ERC2: variants seen among roughly 807,000 people sequenced by gnomAD.
ERC2 encodes ERC protein 2.
In ERC2, 42 loss-of-function variants were observed where a neutral mutation model predicts 114.8. The observed-to-expected ratio is 0.37, with a 90% CI of 0.29 to 0.47. The LOEUF (loss-of-function observed/expected upper bound fraction) is 0.47, where lower values mean the gene tolerates loss of function less well. Among genes scored for constraint, ERC2 ranks in the 20% least tolerant of loss-of-function variants. ERC2 has a pLI of 0.99. For synonymous variants in ERC2, 454 were observed against 425.5 expected (o/e 1.07, Z -0.82); for missense variants, 939 against 1,150.7 (o/e 0.82, Z 2.66).
At chr3:55,652,026 G>C (rs558705848) in intron 17 of ERC2, among the ~76,000 whole-genome samples, 1 of 152,340 alleles carries the variant, frequency 6.6e-6, no homozygotes, top group Admixed American at 6.5e-5. Flanking sequence ...TATCAAGACT[G>C]TGCCACCACA....
intron 7 of ERC2, among the ~76,000 whole-genome samples, chr3:56,056,735 T>C (rs957240285): frequency 6.6e-6 from 1 of 152,204 alleles, no homozygotes. Context: ...TTTTGGTCTC[T>C]TAGAGCTCTC....
intron 13 of ERC2, among the ~76,000 whole-genome samples, chr3:55,891,932 C>T (rs1414120302): frequency 6.6e-6 from 1 of 152,128 alleles, no homozygotes; most frequent in Non-Finnish European, 1.5e-5. Context: ...AGTCTCTGTC[C>T]CTTCTTTGAA....
intron 7 of ERC2, among the ~76,000 whole-genome samples, chr3:56,059,288 C>A (rs1388166093): frequency 6.6e-6 from 1 of 151,994 alleles, no homozygotes; most frequent in East Asian, 1.9e-4. Context: ...ACGGGGGTTT[C>A]ACCTGTTGGC....
intron 3 of ERC2, among the ~76,000 whole-genome samples, chr3:56,191,416 C>T (rs1234726538): frequency 6.6e-6 from 1 of 152,158 alleles, no homozygotes; most frequent in Non-Finnish European, 1.5e-5. Flanking sequence ...ACCTAATATC[C>T]ATCACCAAGT....
chr3:55,826,423 C>A (rs935192210), intron 14 of ERC2, among the ~76,000 whole-genome samples: 1 of 152,176 alleles, frequency 6.6e-6, no homozygotes, highest in Non-Finnish European at 1.5e-5. Context: ...TAAGTTGAAG[C>A]CTATTTGACA....
At chr3:55,768,658 G>A (rs1227881166) in intron 14 of ERC2, among the ~76,000 whole-genome samples, 1 of 152,162 alleles carries the variant, frequency 6.6e-6, no homozygotes, top group Non-Finnish European at 1.5e-5. Flanking sequence ...TCACAAGGAA[G>A]TGCAGACCAG....
intron 6 of ERC2, among the ~76,000 whole-genome samples, chr3:56,106,069 T>C (rs929582837): frequency 4.6e-5 from 7 of 152,156 alleles, no homozygotes; most frequent in Admixed American, 1.3e-4. Context: ...ATAAGAGAAG[T>C]TTTTAAAATT....
intron 14 of ERC2, among the ~76,000 whole-genome samples, chr3:55,826,874 C>G (rs1044117626): frequency 1.3e-5 from 2 of 152,160 alleles, no homozygotes; most frequent in Non-Finnish European, 2.9e-5. Context: ...ACATTGTGCT[C>G]TGGGAGGGGT....
At chr3:55,992,340 G>A (rs1452005198) in intron 10 of ERC2, 90 bp from the exon 11 acceptor site, 27 of 1,193,968 alleles carry the variant, frequency 2.3e-5, no homozygotes, top group Middle Eastern at 4.3e-4. Context: ...AATTAACTTT[G>A]GAGAGAAAAT....
intron 17 of ERC2, among the ~76,000 whole-genome samples, chr3:55,582,019 C>G (rs532161797): frequency 6.6e-6 from 1 of 152,194 alleles, no homozygotes; most frequent in African/African-American, 2.4e-5. Flanking sequence ...TACACAGGCT[C>G]TCATCAACCT....
At chr3:55,717,330 C>G (rs2064182154) in intron 15 of ERC2, among the ~76,000 whole-genome samples, 1 of 152,190 alleles carries the variant, frequency 6.6e-6, no homozygotes, top group South Asian at 2.1e-4. Context: ...CGTTAAGCCT[C>G]TTGGGAGTTC....
chr3:55,670,486 T>G (rs192305120), intron 17 of ERC2, among the ~76,000 whole-genome samples: 6 of 152,230 alleles, frequency 3.9e-5, no homozygotes, highest in Admixed American at 2.6e-4. Flanking sequence ...CAGCAGAGAT[T>G]GAAAAGGGTC....
At chr3:55,598,081 A>G (rs537779875) in intron 17 of ERC2, among the ~76,000 whole-genome samples, 1 of 152,310 alleles carries the variant, frequency 6.6e-6, no homozygotes, top group African/African-American at 2.4e-5. Flanking sequence ...GTCCCCTGCA[A>G]CACAACCTAT....
At chr3:55,584,865 A>T (rs1468588659) in intron 17 of ERC2, among the ~76,000 whole-genome samples, 1 of 152,236 alleles carries the variant, frequency 6.6e-6, no homozygotes, top group African/African-American at 2.4e-5. Context: ...GAAGGAAGAT[A>T]TCCAAGCGCA....
intron 8 of ERC2, among the ~76,000 whole-genome samples, chr3:56,011,700 T>A (rs565626032): frequency 1.1e-3 from 160 of 152,212 alleles, no homozygotes; most frequent in African/African-American, 3.7e-3. Flanking sequence ...TTTGAAATTA[T>A]CCAACACATA....
chr3:55,991,173 T>C (rs1322087695), intron 11 of ERC2, among the ~76,000 whole-genome samples: 5 of 152,214 alleles, frequency 3.3e-5, no homozygotes, highest in South Asian at 2.1e-4. Context: ...TGTGTATGTC[T>C]TGAAGTCCTT....
At position 55,992,441 on chromosome 3, in the gene ERC2, A is replaced by G. The variant is rs78903186; in HGVS notation, c.2062-191T>C. On this transcript the variant is annotated intron_variant, in intron 10 of 17. Coordinates refer to ENST00000288221, the MANE Select transcript of ERC2 (RefSeq NM_015576.3). ...TACCTTAGAAGAATGCTGATTTTAA[A>G]ATAATATTAGAGTTTCACAGGGGAG... is the stretch of plus-strand genomic sequence containing the variant. 6.0e-3 allele frequency among the ~76,000 whole-genome samples: 912 copies of G among 152,294 alleles called. 4 individuals carry two copies. Among genetic ancestry groups the G allele is most frequent in the Non-Finnish European group, 9.6e-3 (651 of 68,026 alleles).
intron 17 of ERC2, among the ~76,000 whole-genome samples, chr3:55,556,723 C>T (rs1029515998): frequency 2.0e-5 from 3 of 152,220 alleles, no homozygotes; most frequent in African/African-American, 7.2e-5. Flanking sequence ...AGACAAATAG[C>T]TCCTGACCAC....
intron 7 of ERC2, among the ~76,000 whole-genome samples, chr3:56,076,119 C>G (rs1267496883): frequency 6.6e-6 from 1 of 152,146 alleles, no homozygotes; most frequent in Non-Finnish European, 1.5e-5. Context: ...ACAGGGCAAT[C>G]CACAAAGTTC....
Sources: gnomAD v4.1 joint callset for allele counts (sites outside exome capture counted in the v4.1 genomes callset) on GRCh38, gnomAD v4.1.1 for gene constraint, MANE v1.5 for transcripts, NCBI Gene and HGNC (gene_info 2026-07-23, HGNC 2026-07-21) for gene names.